The following GRID2 variants were observed in gnomAD, a reference collection of about 807,000 sequenced individuals.
GRID2 encodes the protein glutamate receptor ionotropic, delta-2.
GRID2 carries 33 observed loss-of-function variants against 114.8 expected under a neutral mutation model. The ratio of observed to expected loss-of-function variants is 0.29; its 90% CI spans 0.22 to 0.38. The LOEUF (loss-of-function observed/expected upper bound fraction) is 0.38, where lower values mean the gene tolerates loss of function less well. Ranked by LOEUF, GRID2 falls within the 10% of genes least tolerant of loss-of-function variation. The probability of loss-of-function intolerance (pLI) is 1.00; values close to 1 mark genes in which losing one functional copy is unlikely to be tolerated. For missense variants in GRID2, 1,184 were observed against 1,257.7 expected (o/e 0.94, Z 0.89); for synonymous variants, 505 against 449.9 (o/e 1.12, Z -1.55).
intron 2 of GRID2, among the ~76,000 whole-genome samples, chr4:92,950,348 T>G: frequency 6.6e-6 from 1 of 152,302 alleles, no homozygotes; most frequent in African/African-American, 2.4e-5. Context: ...AGAGTGTGTT[T>G]CTACTGGCAA....
chr4:92,753,933 T>C (rs1737582373), intron 2 of GRID2, among the ~76,000 whole-genome samples: 1 of 152,162 alleles, frequency 6.6e-6, no homozygotes. Flanking sequence ...AATTAGAAAG[T>C]CTCTTAACTG....
chr4:92,403,588 A>G (rs1730889468), intron 1 of GRID2, among the ~76,000 whole-genome samples: 1 of 151,922 alleles, frequency 6.6e-6, no homozygotes, highest in Non-Finnish European at 1.5e-5. Context: ...GCTACTCAGG[A>G]GGCTGAGACA....
At chr4:93,262,828 A>T (rs1182356012) in intron 8 of GRID2, among the ~76,000 whole-genome samples, 1 of 32,824 alleles carries the variant, frequency 3.0e-5, no homozygotes, top group Non-Finnish European at 9.8e-5. Flanking sequence ...ATAGATTTCT[A>T]AAAAAAATGA....
intron 3 of GRID2, among the ~76,000 whole-genome samples, chr4:93,088,725 A>C (rs1049354891): frequency 6.6e-5 from 10 of 152,248 alleles, no homozygotes; most frequent in African/African-American, 2.2e-4. Context: ...CTAGAATGAG[A>C]TATCATGTCA....
At chr4:93,503,362 A>C (rs1434225092) in intron 12 of GRID2, among the ~76,000 whole-genome samples, 1 of 152,080 alleles carries the variant, frequency 6.6e-6, no homozygotes, top group South Asian at 2.1e-4. Flanking sequence ...TTTAGGGTAC[A>C]TGTGCACAAC....
intron 4 of GRID2, among the ~76,000 whole-genome samples, chr4:93,131,630 T>G (rs955716291): frequency 6.6e-6 from 1 of 151,918 alleles, no homozygotes; most frequent in Non-Finnish European, 1.5e-5. Flanking sequence ...ATTTTTATTT[T>G]TAATTTTTAT....
chr4:92,342,063 C>T (rs1489130830), intron 1 of GRID2, among the ~76,000 whole-genome samples: 6 of 152,018 alleles, frequency 3.9e-5, no homozygotes, highest in East Asian at 1.9e-4. Flanking sequence ...TGTACTACTG[C>T]GCTGGGCACT....
chr4:92,991,819 TAAATC>T (rs1462240822), intron 2 of GRID2, among the ~76,000 whole-genome samples: 1 of 152,208 alleles, frequency 6.6e-6, no homozygotes, highest in African/African-American at 2.4e-5. Context: ...AGTTAGGAAT[TAAATC>T]CAAATGACAT....
chr4:92,803,041 A>T (rs1740249520), intron 2 of GRID2, among the ~76,000 whole-genome samples: 1 of 151,944 alleles, frequency 6.6e-6, no homozygotes, highest in African/African-American at 2.4e-5. Context: ...TTTGAAGACA[A>T]TATTTGTTGT....
intron 13 of GRID2, among the ~76,000 whole-genome samples, chr4:93,595,573 A>G (rs1578352522): frequency 6.6e-6 from 1 of 152,204 alleles, no homozygotes; most frequent in African/African-American, 2.4e-5. Flanking sequence ...ATGCAGTAAG[A>G]ACTCAGTAAA....
Position 92,672,681 on chromosome 4 carries a change from A to AT in GRID2, c.244+82401dup, listed in dbSNP as rs1163470734. Among the ~76,000 whole-genome samples, 2 of 151,972 alleles carry AT rather than the reference A, an allele frequency of 1.3e-5. 1 individual carries two copies. The highest frequency in any genetic ancestry group is 2.9e-5 in the Non-Finnish European group (2 of 67,936). ...CATTTTCCCATCTATTCTTCATTACATTTTTTCTTCATTTATTTATTCATA... is the reference window on the plus strand; with the variant it reads ...CATTTTCCCATCTATTCTTCATTACATTTTTTTCTTCATTTATTTATTCATA... On this transcript the variant is annotated intron_variant, in intron 2 of 15. Transcript: ENST00000282020.
intron 11 of GRID2, among the ~76,000 whole-genome samples, chr4:93,467,776 T>A (rs1268527331): frequency 6.6e-6 from 1 of 152,194 alleles, no homozygotes; most frequent in Non-Finnish European, 1.5e-5. Context: ...GACATATAGC[T>A]AGCAGCAGGA....
At chr4:92,312,859 A>C (rs182505638) in intron 1 of GRID2, among the ~76,000 whole-genome samples, 21 of 152,200 alleles carry the variant, frequency 1.4e-4, no homozygotes, top group African/African-American at 4.6e-4. Flanking sequence ...CTAGTATAGC[A>C]ACTATGGAAA....
intron 1 of GRID2, among the ~76,000 whole-genome samples, chr4:92,334,630 C>G (rs1301475266): frequency 6.6e-6 from 1 of 151,940 alleles, no homozygotes; most frequent in Non-Finnish European, 1.5e-5. Context: ...TGAACCCACT[C>G]TCTTTATAAT....
chr4:93,086,386 G>A (rs146425332), intron 3 of GRID2, among the ~76,000 whole-genome samples: 43 of 152,270 alleles, frequency 2.8e-4, no homozygotes, highest in Admixed American at 1.4e-3. Flanking sequence ...CACAAGAGTC[G>A]TCCAGAAAGT....
rs755074343 is a variant in GRID2, at chr4:93,216,746, C to G, written c.798C>G (p.Asn266Lys). ...CACCTCTTATCTTATAGGAAATAAA[C>G]GATGTGGACGTACAGGAACTTGTAA... ...CHWIIINEEI[N>K]DVDVQELVRR... The change falls in exon 6 of 16, where the codon AAC (asparagine) becomes AAG (lysine). Residue 266 changes from asparagine (N) to lysine (K), a missense_variant. Asn to Lys is a moderately conservative substitution (Grantham distance 94). Transcript: ENST00000282020. 1.9e-6 allele frequency: 3 copies of G among 1,602,710 alleles called. No individual in the cohort carries two copies. Among genetic ancestry groups the G allele is most frequent in the Admixed American group, 1.7e-5 (1 of 59,826 alleles).
chr4:92,928,251 T>C (rs575465613), intron 2 of GRID2, among the ~76,000 whole-genome samples: 1 of 151,774 alleles, frequency 6.6e-6, no homozygotes, highest in African/African-American at 2.4e-5. Context: ...GAACTGAAAA[T>C]GGAAACTTAT....
At chr4:93,170,823 A>G (rs777033099) in intron 4 of GRID2, among the ~76,000 whole-genome samples, 1 of 151,938 alleles carries the variant, frequency 6.6e-6, no homozygotes, top group Non-Finnish European at 1.5e-5. Context: ...CCAAATTTCA[A>G]TGACGATTTT....
At chr4:92,507,050 C>G (rs1257087156) in intron 1 of GRID2, among the ~76,000 whole-genome samples, 1 of 151,854 alleles carries the variant, frequency 6.6e-6, no homozygotes, top group East Asian at 1.9e-4. Flanking sequence ...CTGCAAATCT[C>G]TTTGAAAAAA....
Sources: gnomAD v4.1 joint callset for allele counts (sites outside exome capture counted in the v4.1 genomes callset) on GRCh38, gnomAD v4.1.1 for gene constraint, MANE v1.5 for transcripts, NCBI Gene and HGNC (gene_info 2026-07-23, HGNC 2026-07-21) for gene names.